The following SLC17A4 variants were observed in gnomAD, a reference collection of about 807,000 sequenced individuals.
SLC17A4 encodes probable small intestine urate exporter.
Under a neutral mutation model 52.5 loss-of-function variants are expected in SLC17A4, and 33 were observed. That is an observed-to-expected ratio of 0.63 (90% CI 0.48 to 0.84). SLC17A4 has a LOEUF of 0.84. SLC17A4 is among the 40% of genes least tolerant of loss of function. The pLI is 0.00. For missense variants in SLC17A4, 585 were observed against 597.1 expected, an observed-to-expected ratio of 0.98 and a Z score of 0.21; for synonymous variants, 225 against 216.2, an observed-to-expected ratio of 1.04 and a Z score of -0.36.
At chr6:25,775,425 T>C (rs1186090778) in intron 8 of SLC17A4, among the ~76,000 whole-genome samples, 1 of 152,136 alleles carries the variant, frequency 6.6e-6, no homozygotes, top group Admixed American at 6.5e-5. Flanking sequence ...ATTCTTTCTA[T>C]GTCTTTTTTC....
At chr6:25,774,139 A>G (rs528411904) in intron 8 of SLC17A4, among the ~76,000 whole-genome samples, 3 of 152,290 alleles carry the variant, frequency 2.0e-5, no homozygotes, top group Non-Finnish European at 4.4e-5. Flanking sequence ...AGTCCCAAAT[A>G]AGACTTACAT....
In SLC17A4 at chr6:25,755,040, C is replaced by G. The variant is rs1405941072; in HGVS notation, c.-37+259C>G. Among the ~76,000 whole-genome samples the G allele has an allele frequency of 6.8e-5, 6 of 88,496 alleles. No homozygotes were observed. In the South Asian group the frequency reaches 1.3e-3, roughly 20 times the overall value. The allele number at this position is 88,496 out of a possible 152,430, so 58.1% of individuals were successfully genotyped here. On this transcript the variant is annotated intron_variant, in intron 1 of 11. Transcript: ENST00000377905. Reference sequence around the variant, plus strand: ...CTGAACAGAGACAGACAGACAGACACACACACATACACACACACACACACA... The same window carrying G: ...CTGAACAGAGACAGACAGACAGACAGACACACATACACACACACACACACA...
intron 3 of SLC17A4, among the ~76,000 whole-genome samples, chr6:25,769,736 A>G (rs1762321714): frequency 6.6e-6 from 1 of 152,126 alleles, no homozygotes; most frequent in Non-Finnish European, 1.5e-5. Flanking sequence ...GAAAATCACT[A>G]CAAAATATGT....
chr6:25,773,558 T>C lies in SLC17A4; in HGVS notation c.871T>C (p.Ser291Pro). 6.2e-7 allele frequency: 1 copy of C among 1,613,992 alleles called. No individual in the cohort carries two copies. The highest frequency in any genetic ancestry group is 8.5e-7 in the Non-Finnish European group (1 of 1,179,910). ...WSLPIRAMIK[S>P]LPLWAILVSY... ...TCTTCCCATTAGGGCTATGATCAAATCCTTACCACTCTGGGCCATTTTAGT... is the reference window on the plus strand; with the variant it reads ...TCTTCCCATTAGGGCTATGATCAAACCCTTACCACTCTGGGCCATTTTAGT... Residue 291 changes from serine to proline, a missense_variant, in exon 8 of 12, where the codon TCC becomes CCC. Ser to Pro is a moderately conservative substitution (Grantham distance 74). Coordinates refer to ENST00000377905, the MANE Select transcript of SLC17A4 (RefSeq NM_005495.3).
chr6:25,770,429 C>G lies in SLC17A4; in HGVS notation c.577C>G (p.Pro193Ala), dbSNP rs1277976029. 6.2e-7 allele frequency: 1 copy of G among 1,613,966 alleles called. No individual in the cohort carries two copies. Among genetic ancestry groups the G allele is most frequent in the Non-Finnish European group, 8.5e-7 (1 of 1,179,978 alleles). Residue 193 changes from proline to alanine, a missense_variant, in exon 5 of 12, where the codon CCC (proline) becomes GCC (alanine). Coordinates refer to ENST00000377905, the MANE Select transcript of SLC17A4 (RefSeq NM_005495.3). ...GTATTCAATTTGGGTCAAATGGGCTCCCCCACTGGAAAGGAGTCAACTCAC... is the reference window on the plus strand; with the variant it reads ...GTATTCAATTTGGGTCAAATGGGCTGCCCCACTGGAAAGGAGTCAACTCAC... ...GQYSIWVKWAPPLERSQLTTI... is the reference protein window; with the variant it reads ...GQYSIWVKWAAPLERSQLTTI...
intron 8 of SLC17A4, among the ~76,000 whole-genome samples, chr6:25,775,124 G>GT (rs1312288379): frequency 4.1e-4 from 62 of 152,252 alleles, no homozygotes; most frequent in Non-Finnish European, 8.8e-5. Flanking sequence ...GAGGTCAGGT[G>GT]TTTGAGACCA....
intron 1 of SLC17A4, among the ~76,000 whole-genome samples, chr6:25,760,101 C>A (rs771232680): frequency 2.6e-5 from 4 of 152,148 alleles, no homozygotes; most frequent in Non-Finnish European, 4.4e-5. Flanking sequence ...TTTGCCTAAG[C>A]TTGGTGATCA....
chr6:25,770,183 G>A lies in SLC17A4; in HGVS notation c.414G>A (p.Lys138=). Reference sequence around the variant, plus strand: ...ATGTGGCTGGAATATTTGGAGCCAAGTATGTGGTTGGTGCTGGCTTGTTTA... The same window carrying A: ...ATGTGGCTGGAATATTTGGAGCCAAATATGTGGTTGGTGCTGGCTTGTTTA... The part of the protein sequence containing the change: ...SGYVAGIFGA[K]YVVGAGLFIS... Residue 138 remains lysine (K), a synonymous_variant, in exon 4 of 12, where the codon AAG becomes AAA. Coordinates refer to ENST00000377905, the MANE Select transcript of SLC17A4 (RefSeq NM_005495.3). 1 of 1,614,152 alleles carries A rather than the reference G, an allele frequency of 6.2e-7. No homozygotes were observed. Among genetic ancestry groups the A allele is most frequent in the Admixed American group, 1.7e-5 (1 of 60,010 alleles).
In SLC17A4 at chr6:25,764,492, G is replaced by A. The variant is rs995794091; in HGVS notation, c.91+2439G>A. On this transcript the variant is annotated intron_variant, in intron 2 of 11. Transcript: ENST00000377905. The stretch of plus-strand genomic sequence containing the variant: ...GTACTTCCAACTAGATTGAAACTAA[G>A]GAATTATTCCTACCACACACTACAA... Among the ~76,000 whole-genome samples the A allele has an allele frequency of 3.3e-5, 5 of 152,168 alleles. No individual in the cohort carries two copies. The South Asian group carries it at 6.2e-4, about 19-fold the overall frequency.
intron 5 of SLC17A4, 72 bp downstream of exon 5, chr6:25,770,543 C>A: frequency 7.4e-7 from 1 of 1,354,180 alleles, no homozygotes; most frequent in Non-Finnish European, 1.1e-6. Context: ...CCAACAGAAC[C>A]AAGATCTTAT....
At chr6:25,767,698 T>G (rs1762137123) in intron 2 of SLC17A4, among the ~76,000 whole-genome samples, 1 of 152,212 alleles carries the variant, frequency 6.6e-6, no homozygotes, top group Admixed American at 6.5e-5. Flanking sequence ...GCAGTCTCAG[T>G]AAATGCAAAT....
intron 11 of SLC17A4, 53 bp downstream of exon 11, chr6:25,778,069 G>T: frequency 5.3e-6 from 7 of 1,321,376 alleles, no homozygotes; most frequent in Non-Finnish European, 6.4e-6. Context: ...TAGAGGCATG[G>T]TTTTTTCACA....
At chr6:25,769,720 A>G (rs925680116) in intron 3 of SLC17A4, among the ~76,000 whole-genome samples, 1 of 152,132 alleles carries the variant, frequency 6.6e-6, no homozygotes, top group African/African-American at 2.4e-5. Flanking sequence ...CTTCCCCTAC[A>G]ATGATGAAAA....
intron 2 of SLC17A4, chr6:25,768,477 C>A (rs1417524542): frequency 7.3e-6 from 5 of 684,384 alleles, no homozygotes; most frequent in African/African-American, 2.0e-5. Flanking sequence ...TTAAATACTT[C>A]TATGATCTAA....
chr6:25,760,975 T>A (rs79015396), intron 1 of SLC17A4, among the ~76,000 whole-genome samples: 1,654 of 152,322 alleles, frequency 0.011, 18 homozygotes, highest in Middle Eastern at 0.031. Context: ...TTTGGATGGA[T>A]CACTTTTTTG....
intron 6 of SLC17A4, among the ~76,000 whole-genome samples, chr6:25,772,978 G>A (rs577841289): frequency 6.6e-6 from 1 of 152,302 alleles, no homozygotes; most frequent in African/African-American, 2.4e-5. Flanking sequence ...GGATGAGCTG[G>A]AGCATAGTCT....
chr6:25,775,571 G>T (rs1762841369), intron 8 of SLC17A4, among the ~76,000 whole-genome samples: 1 of 151,988 alleles, frequency 6.6e-6, no homozygotes, highest in Non-Finnish European at 1.5e-5. Flanking sequence ...GAGTAGCTGG[G>T]ACCACAGGCG....
chr6:25,770,877 C>A (rs1762423855), intron 5 of SLC17A4, 49 bp from the exon 6 acceptor site: 2 of 1,414,532 alleles, frequency 1.4e-6, no homozygotes, highest in African/African-American at 1.4e-5. Flanking sequence ...GCACATAGAG[C>A]CCCAAGACGA....
chr6:25,768,865 TG>T, intron 2 of SLC17A4, 119 bp from the exon 3 acceptor site: 2 of 914,230 alleles, frequency 2.2e-6, no homozygotes, highest in Non-Finnish European at 3.4e-6. Flanking sequence ...TACAGAGGAA[TG>T]TCTGCTCTCC....
Sources: gnomAD v4.1 joint callset for allele counts (sites outside exome capture counted in the v4.1 genomes callset) on GRCh38, gnomAD v4.1.1 for gene constraint, MANE v1.5 for transcripts, NCBI Gene and HGNC (gene_info 2026-07-23, HGNC 2026-07-21) for gene names.